Variants in PIGP observed in about 807,000 individuals in gnomAD.
The protein encoded by PIGP is phosphatidylinositol glycan anchor biosynthesis class P.
A neutral mutation model predicts 16.9 loss-of-function variants in PIGP; 12 were observed. The observed-to-expected ratio is 0.71, with a 90% confidence interval of 0.46 to 1.15. The LOEUF is 1.15. PIGP is among the 50% of genes most tolerant of loss of function. The pLI, the probability that PIGP is intolerant of heterozygous loss-of-function variation, is 0.00. For synonymous variants in PIGP, 57 were observed against 54.7 expected, an observed-to-expected ratio of 1.04 and a Z score of -0.18; for missense variants, 159 against 153.5, an observed-to-expected ratio of 1.04 and a Z score of -0.19.
intron 2 of PIGP, among the ~76,000 whole-genome samples, chr21:37,070,897 G>T (rs2069993620): frequency 6.6e-6 from 1 of 152,202 alleles, no homozygotes; most frequent in Non-Finnish European, 1.5e-5. Context: ...CGAGTAGCTG[G>T]AGTTACAGGC....
At chr21:37,065,808 C>A in intron 4 of PIGP, 96 bp from the exon 5 acceptor site, 1 of 987,960 alleles carries the variant, frequency 1.0e-6, no homozygotes, top group Non-Finnish European at 1.5e-6. Context: ...ACTAGGCTGA[C>A]GTTTGGATAG....
chr21:37,070,187 A>C (rs751954756), intron 2 of PIGP, among the ~76,000 whole-genome samples: 3 of 152,220 alleles, frequency 2.0e-5, no homozygotes, highest in Non-Finnish European at 2.9e-5. Flanking sequence ...ATGCATTAAG[A>C]TAATCCTCCA....
Position 37,067,320 on chromosome 21 carries a change from G to T in PIGP, c.216C>A (p.Leu72=), listed in dbSNP as rs1487926729. 2 of 1,612,534 alleles carry T rather than the reference G, an allele frequency of 1.2e-6. No individual in the cohort carries two copies. The highest frequency in any genetic ancestry group is 4.5e-5 in the East Asian group (2 of 44,868). Residue 72 remains leucine (L), a synonymous_variant, in exon 4 of 5, where the codon CTC becomes CTA. Transcript: ENST00000360525. ...TACTCATCATGTTAATCCCAAACAA[G>T]AGCACGTAGCCAATTACTATAGCAA... ...LLIAIVIGYV[L]LFGINMMSTS...
chr21:37,067,271 TATGG>T lies in PIGP; in HGVS notation c.261_264del (p.His88GlnfsTer23), dbSNP rs2069921389. On this transcript the variant is annotated frameshift_variant, in exon 4 of 5. Coordinates refer to ENST00000360525, the MANE Select transcript of PIGP (RefSeq NM_153682.3). LOFTEE classifies it high-confidence loss of function. ...TTTTATATAAAGTTACCTGTGATTG[TATGG>T]ATGGAGTCGAGTGGAGAGGTACTCA... is the stretch of plus-strand genomic sequence containing the variant. 1 of 1,565,940 alleles carries T rather than the reference TATGG, an allele frequency of 6.4e-7. No individual in the cohort carries two copies. The highest frequency in any genetic ancestry group is 8.8e-7 in the Non-Finnish European group (1 of 1,136,186).
intron 4 of PIGP, among the ~76,000 whole-genome samples, chr21:37,066,935 T>C (rs1316359137): frequency 6.6e-6 from 1 of 152,082 alleles, no homozygotes; most frequent in African/African-American, 2.4e-5. Flanking sequence ...TATATAAGTT[T>C]GTATTTATTT....
At chr21:37,065,744 C>T in intron 4 of PIGP, 32 bp from the exon 5 acceptor site, 1 of 1,604,692 alleles carries the variant, frequency 6.2e-7, no homozygotes, top group South Asian at 1.1e-5. Flanking sequence ...CTCTGTTTAC[C>T]TAAGCAATTT....
intron 3 of PIGP, among the ~76,000 whole-genome samples, chr21:37,069,063 G>A (rs2069955114): frequency 2.0e-5 from 3 of 152,142 alleles, no homozygotes; most frequent in African/African-American, 4.8e-5. Flanking sequence ...ACTTCATATG[G>A]TCTTTAAACA....
intron 4 of PIGP, 88 bp downstream of exon 4, chr21:37,067,174 G>T: frequency 1.3e-6 from 1 of 771,774 alleles, no homozygotes; most frequent in Non-Finnish European, 2.2e-6. Flanking sequence ...CATGGGTTTT[G>T]CAGCCTGTTC....
chr21:37,068,441 CATAGTT>C (rs1009631457), intron 3 of PIGP, among the ~76,000 whole-genome samples: 2 of 152,032 alleles, frequency 1.3e-5, no homozygotes, highest in African/African-American at 4.8e-5. Flanking sequence ...GTTCTTGTTT[CATAGTT>C]ATAATTGTTT....
At chr21:37,072,086 A>C (rs2070092887) in intron 2 of PIGP, 2 of 820,986 alleles carry the variant, frequency 2.4e-6, no homozygotes, top group Non-Finnish European at 4.4e-6. Context: ...GTCTGGTTTC[A>C]ATGTCTCTCC....
intron 4 of PIGP, among the ~76,000 whole-genome samples, chr21:37,066,970 CCGTGTGTGTGTGTGTG>C (rs1369758215): frequency 2.7e-4 from 28 of 103,604 alleles, no homozygotes; most frequent in African/African-American, 9.5e-4. Flanking sequence ...TTTTTACTGT[CCGTGTGTGTGTGTGTG>C]TGTGTGTGTG....
intron 3 of PIGP, among the ~76,000 whole-genome samples, chr21:37,068,734 T>C (rs1367140093): frequency 1.3e-5 from 2 of 152,200 alleles, no homozygotes; most frequent in Non-Finnish European, 2.9e-5. Flanking sequence ...TGTCAGAAAT[T>C]ATAGATCCTT....
chr21:37,070,887 C>T (rs1370572426), intron 2 of PIGP, among the ~76,000 whole-genome samples: 2 of 152,174 alleles, frequency 1.3e-5, no homozygotes, highest in Non-Finnish European at 2.9e-5. Flanking sequence ...CTCAGCCTCC[C>T]GAGTAGCTGG....
At chr21:37,069,664 A>G (rs2069967154) in intron 2 of PIGP, 40 bp from the exon 3 acceptor site, 5 of 1,301,350 alleles carry the variant, frequency 3.8e-6, no homozygotes, top group East Asian at 5.0e-5. Context: ...AAGAGAAGTC[A>G]GTAAGACATA....
At position 37,072,467 on chromosome 21, in the gene PIGP, A is replaced by G. The variant is rs373733531; in HGVS notation, c.49T>C (p.Phe17Leu). 2.5e-6 allele frequency: 4 copies of G among 1,614,154 alleles called. No individual in the cohort carries two copies. In the African/African-American group the frequency reaches 5.3e-5, roughly 22 times the overall value. ...AATTGGGAGCTTAAGAAAAGAACAA[A>G]GCCATAAATCGCTCTTTCTGGCAAT... is the stretch of plus-strand genomic sequence containing the variant. ...SPLPERAIYG[F>L]VLFLSSQFGF... Residue 17 changes from phenylalanine to leucine, a missense_variant, in exon 2 of 5, where the codon TTT becomes CTT. Physicochemically the swap from Phe to Leu is conservative, Grantham distance 22 (BLOSUM62 0). Transcript: ENST00000360525.
At chr21:37,070,081 C>T (rs1601125187) in intron 2 of PIGP, among the ~76,000 whole-genome samples, 1 of 152,214 alleles carries the variant, frequency 6.6e-6, no homozygotes, top group South Asian at 2.1e-4. Context: ...TCCCTCAATC[C>T]GAAATCTCGG....
At chr21:37,072,327 G>A (rs2070119633) in intron 2 of PIGP, 107 bp downstream of exon 2, 3 of 1,596,718 alleles carry the variant, frequency 1.9e-6, no homozygotes, top group East Asian at 2.2e-5. Flanking sequence ...AAGAGACATA[G>A]GGAGAAAGAA....
At position 37,065,469 on chromosome 21, in the gene PIGP, T is replaced by A. The variant is rs555849772; in HGVS notation, c.*113A>T. The A allele has an allele frequency of 3.4e-5, 35 of 1,031,764 alleles. No individual in the cohort carries two copies. In the African/African-American group the frequency reaches 5.4e-4, roughly 16 times the overall value. The allele number at this position is 1,031,764 out of a possible 1,614,324, so 63.9% of individuals were successfully genotyped here. A position where few individuals can be genotyped will look rare whatever the true frequency, so the allele number is the denominator to read the frequency against. The stretch of plus-strand genomic sequence containing the variant: ...TAATCTAAGAGAAGGTCAACTTACA[T>A]TTTTTACTTCTCTATTAATAAGAGA... On this transcript the variant is annotated 3_prime_UTR_variant, in exon 5 of 5. Coordinates refer to ENST00000360525, the MANE Select transcript of PIGP (RefSeq NM_153682.3).
chr21:37,072,743 G>C, intron 1 of PIGP: 8 of 716,946 alleles, frequency 1.1e-5, no homozygotes, highest in East Asian at 2.6e-5. Context: ...GCGGAGGATA[G>C]GGCAGGGAGG....
Sources: allele counts gnomAD v4.1 joint callset (sites outside exome capture counted in the v4.1 genomes callset), GRCh38; gene constraint gnomAD v4.1.1; transcripts MANE v1.5; gene names NCBI Gene and HGNC (gene_info 2026-07-23, HGNC 2026-07-21).